TP63: variants seen among roughly 807,000 people sequenced by gnomAD.
The protein encoded by TP63 is tumor protein 63.
A neutral mutation model predicts 82.8 loss-of-function variants in TP63; 17 were observed. That is an observed-to-expected ratio of 0.21 (90% CI 0.14 to 0.31). TP63 has a LOEUF of 0.31. Among genes scored for constraint, TP63 ranks in the 10% least tolerant of loss-of-function variants. The pLI is 1.00. For missense variants in TP63, 648 were observed against 895.3 expected, an observed-to-expected ratio of 0.72 and a Z score of 3.52; for synonymous variants, 330 against 321.7, an observed-to-expected ratio of 1.03 and a Z score of -0.28.
chr3:189,631,379 G>T, upstream of TP63: 2 of 1,536,150 alleles, frequency 1.3e-6, no homozygotes, highest in African/African-American at 1.4e-5. Flanking sequence ...GGAGAGAAGT[G>T]CCTAAACTTC....
intron 1 of TP63, among the ~76,000 whole-genome samples, chr3:189,664,589 A>AT (rs1297380817): frequency 6.6e-6 from 1 of 152,104 alleles, no homozygotes; most frequent in Non-Finnish European, 1.5e-5. Flanking sequence ...TCAAGATGTC[A>AT]TTTTTTCAGT....
intron 1 of TP63, among the ~76,000 whole-genome samples, chr3:189,663,260 G>A (rs1296880247): frequency 6.6e-6 from 1 of 151,758 alleles, no homozygotes; most frequent in African/African-American, 2.4e-5. Context: ...AAAAATATAA[G>A]ATAGGTTCTG....
intron 4 of TP63, among the ~76,000 whole-genome samples, chr3:189,842,056 A>G (rs935316033): frequency 2.6e-5 from 4 of 152,220 alleles, no homozygotes; most frequent in Non-Finnish European, 4.4e-5. Context: ...ATAGTGTAGT[A>G]GCCCGCGGTT....
intron 1 of TP63, among the ~76,000 whole-genome samples, chr3:189,673,365 T>G (rs931224304): frequency 2.0e-5 from 3 of 152,106 alleles, no homozygotes; most frequent in African/African-American, 7.2e-5. Context: ...GCAATTATCT[T>G]CAATATTATT....
chr3:189,713,522 TC>T (rs747859087), intron 1 of TP63, among the ~76,000 whole-genome samples: 1 of 152,304 alleles, frequency 6.6e-6, no homozygotes, highest in Non-Finnish European at 1.5e-5. Flanking sequence ...AATGAACTGA[TC>T]CAGTTTTAAC....
At chr3:189,597,941 A>G in the TP63 span, among the ~76,000 whole-genome samples, 1 of 152,104 alleles carries the variant, frequency 6.6e-6, no homozygotes, top group Non-Finnish European at 1.5e-5. Context: ...AAAAAAAAAA[A>G]AAGTTAGAAT....
chr3:189,738,927 G>T, intron 3 of TP63, 153 bp downstream of exon 3: 1 of 1,185,728 alleles, frequency 8.4e-7, no homozygotes, highest in Non-Finnish European at 1.2e-6. Flanking sequence ...GAGAAGATTT[G>T]GTGTGGATTA....
At chr3:189,737,115 A>G (rs1720651531) in intron 1 of TP63, among the ~76,000 whole-genome samples, 1 of 152,198 alleles carries the variant, frequency 6.6e-6, no homozygotes, top group Non-Finnish European at 1.5e-5. Context: ...TAAGTCTAAC[A>G]TGCAATTCTA....
At chr3:189,714,348 A>G (rs753591795) in intron 1 of TP63, among the ~76,000 whole-genome samples, 21 of 152,236 alleles carry the variant, frequency 1.4e-4, no homozygotes, top group Non-Finnish European at 2.5e-4. Flanking sequence ...GGTTTTAGCA[A>G]TCGCTCCAGA....
chr3:189,636,317 C>T (rs1399242104), intron 1 of TP63, among the ~76,000 whole-genome samples: 1 of 152,140 alleles, frequency 6.6e-6, no homozygotes, highest in Non-Finnish European at 1.5e-5. Context: ...AACTCCACCA[C>T]TAAGTGATTA....
At chr3:189,732,300 G>A (rs1720229083) in intron 1 of TP63, among the ~76,000 whole-genome samples, 1 of 152,132 alleles carries the variant, frequency 6.6e-6, no homozygotes, top group African/African-American at 2.4e-5. Flanking sequence ...CCCCCTTGAA[G>A]CCCTGAGAGG....
chr3:189,883,091 C>T (rs895179563), intron 10 of TP63, among the ~76,000 whole-genome samples: 1 of 151,978 alleles, frequency 6.6e-6, no homozygotes, highest in East Asian at 1.9e-4. Flanking sequence ...TGGTACAGGT[C>T]CTGTTATTCT....
intron 1 of TP63, among the ~76,000 whole-genome samples, chr3:189,716,578 G>A (rs1718974073): frequency 6.6e-6 from 1 of 152,170 alleles, no homozygotes; most frequent in South Asian, 2.1e-4. Context: ...CAGTGGAGAT[G>A]CAAGAAATCC....
intron 1 of TP63, among the ~76,000 whole-genome samples, chr3:189,673,447 T>C (rs910824371): frequency 6.6e-6 from 1 of 152,098 alleles, no homozygotes; most frequent in African/African-American, 2.4e-5. Context: ...ATTGGAAATA[T>C]ATAAAGTAAA....
chr3:189,600,329 T>C, the TP63 span, among the ~76,000 whole-genome samples: 1 of 152,036 alleles, frequency 6.6e-6, no homozygotes, highest in Admixed American at 6.5e-5. Flanking sequence ...TAGGTTTTTT[T>C]ATCTTATAAA....
rs11333832 is a variant in TP63, at chr3:189,878,593, C to CT, written c.1349+5613dup. Among the ~76,000 whole-genome samples, 131 of 130,366 alleles carry CT rather than the reference C, an allele frequency of 1.0e-3. 3 individuals are homozygous for CT. The East Asian group carries it at 0.019, about 19-fold the overall frequency. The allele number at this position is 130,366 out of a possible 152,430, so 85.5% of individuals were successfully genotyped here. On this transcript the variant is annotated intron_variant, in intron 10 of 13. Coordinates refer to ENST00000264731, the MANE Select transcript of TP63 (RefSeq NM_003722.5). ...GATATATATATATAATTTTTTTTTT[C>CT]TTTTTTTTTTTTTTTAGTAGAGACG...
intron 1 of TP63, among the ~76,000 whole-genome samples, chr3:189,663,961 C>A (rs765330770): frequency 3.7e-4 from 57 of 152,192 alleles, no homozygotes; most frequent in Non-Finnish European, 7.1e-4. Flanking sequence ...AAATATATAT[C>A]TATTATTTCT....
chr3:189,885,893 T>C (rs1201597678), intron 10 of TP63, among the ~76,000 whole-genome samples: 2 of 152,192 alleles, frequency 1.3e-5, no homozygotes, highest in Non-Finnish European at 2.9e-5. Flanking sequence ...AGCTGCCAAA[T>C]GCCCAGTTTG....
At chr3:189,678,926 G>A (rs1305510266) in intron 1 of TP63, among the ~76,000 whole-genome samples, 1 of 151,600 alleles carries the variant, frequency 6.6e-6, no homozygotes, top group African/African-American at 2.4e-5. Context: ...GTATATAAAC[G>A]CTACTGATTA....
Sources: allele counts gnomAD v4.1 joint callset (sites outside exome capture counted in the v4.1 genomes callset), GRCh38; gene constraint gnomAD v4.1.1; transcripts MANE v1.5; gene names NCBI Gene and HGNC (gene_info 2026-07-23, HGNC 2026-07-21).